The following ADAM10 variants were observed in gnomAD, a reference collection of about 807,000 sequenced individuals.
The protein encoded by ADAM10 is ADAM metallopeptidase domain 10, also known as disintegrin and metalloproteinase domain-containing protein 10.
A neutral mutation model predicts 90.1 loss-of-function variants in ADAM10; 17 were observed. The ratio of observed to expected loss-of-function variants is 0.19; its 90% CI spans 0.13 to 0.28. The LOEUF (loss-of-function observed/expected upper bound fraction) is 0.28, where lower values mean the gene tolerates loss of function less well. ADAM10 is among the 10% of genes least tolerant of loss of function. The pLI is 1.00. For missense variants in ADAM10, 610 were observed against 914.3 expected, an observed-to-expected ratio of 0.67 and a Z score of 4.29; for synonymous variants, 310 against 298.6, an observed-to-expected ratio of 1.04 and a Z score of -0.40.
At chr15:58,698,203 A>T (rs1376783411) in intron 2 of ADAM10, 1 of 375,646 alleles carries the variant, frequency 2.7e-6, no homozygotes, top group Non-Finnish European at 5.2e-6. Flanking sequence ...AATAATATTT[A>T]AAAAGCTAAG....
intron 1 of ADAM10, among the ~76,000 whole-genome samples, chr15:58,742,580 C>T (rs1390397790): frequency 6.6e-6 from 1 of 152,228 alleles, no homozygotes; most frequent in Non-Finnish European, 1.5e-5. Flanking sequence ...CTATTTCCTG[C>T]AAACTAGCTG....
At chr15:58,625,866 C>T (rs967317581) in intron 10 of ADAM10, among the ~76,000 whole-genome samples, 4 of 152,106 alleles carry the variant, frequency 2.6e-5, no homozygotes, top group South Asian at 2.1e-4. Flanking sequence ...TTAGATGAAT[C>T]CCCAGGGAAT....
Position 58,717,715 on chromosome 15 carries a change from T to C in ADAM10, c.68A>G (p.Asn23Ser). 1.2e-6 allele frequency: 2 copies of C among 1,612,518 alleles called. No homozygotes were observed. The highest frequency in any genetic ancestry group is 1.7e-6 in the Non-Finnish European group (2 of 1,179,492). Residue 23 changes from asparagine (N) to serine (S), a missense_variant, in exon 2 of 16, where the codon AAT becomes AGT. Asn to Ser is a conservative substitution (Grantham distance 46). Coordinates refer to ENST00000260408, the MANE Select transcript of ADAM10 (RefSeq NM_001110.4). ...ATGTCTGATATATTTATTTAAAGGA[T>C]TCCCATACTGACCTATAAAAAAAAA... is the stretch of plus-strand genomic sequence containing the variant. ...WAAGMGGQYG[N>S]PLNKYIRHYE...
chr15:58,650,413 G>A (rs558115536), intron 5 of ADAM10, among the ~76,000 whole-genome samples: 1 of 152,180 alleles, frequency 6.6e-6, no homozygotes, highest in Non-Finnish European at 1.5e-5. Context: ...GAGATGTGGT[G>A]TGAAACTTTA....
intron 2 of ADAM10, among the ~76,000 whole-genome samples, chr15:58,689,432 G>C (rs1897712491): frequency 6.6e-6 from 1 of 152,162 alleles, no homozygotes; most frequent in South Asian, 2.1e-4. Flanking sequence ...GTTGCAGTGA[G>C]CTGAGATCAT....
rs1156367777 is a variant in ADAM10, at chr15:58,593,878, G to T, written c.*3669C>A. 2 of 152,156 alleles carry T rather than the reference G, an allele frequency of 1.3e-5. No individual in the cohort carries two copies. The highest frequency in any genetic ancestry group is 2.9e-5 in the Non-Finnish European group (2 of 68,024). The allele number at this position is 152,156 out of a possible 1,614,324, so 9.4% of individuals were successfully genotyped here. A position where few individuals can be genotyped will look rare whatever the true frequency, so the allele number is the denominator to read the frequency against. On this transcript the variant is annotated 3_prime_UTR_variant, in exon 16 of 16. Coordinates refer to ENST00000260408, the MANE Select transcript of ADAM10 (RefSeq NM_001110.4). Reference sequence around the variant, plus strand: ...ACAAACAATATAGTAATATAAAACAGAAGGGCTAAATTTCTATCCTAATCA... The same window carrying T: ...ACAAACAATATAGTAATATAAAACATAAGGGCTAAATTTCTATCCTAATCA...
At position 58,593,755 on chromosome 15, in the gene ADAM10, G is replaced by C. The variant is rs1179464227; in HGVS notation, c.*3792C>G. ...AATGCTCCGTTTTACCTAGCATCCT[G>C]TTGCTTTTTATAGAAGAGATGCTCT... is the stretch of plus-strand genomic sequence containing the variant. On this transcript the variant is annotated 3_prime_UTR_variant, in exon 16 of 16. Transcript: ENST00000260408. 1 of 152,134 alleles carries C rather than the reference G, an allele frequency of 6.6e-6. No homozygotes were observed. Among genetic ancestry groups the C allele is most frequent in the Non-Finnish European group, 1.5e-5 (1 of 68,030 alleles). The allele number at this position is 152,134 out of a possible 1,614,324, so 9.4% of individuals were successfully genotyped here.
intron 2 of ADAM10, chr15:58,686,539 C>G: frequency 7.1e-7 from 1 of 1,417,932 alleles, no homozygotes; most frequent in Non-Finnish European, 9.9e-7. Context: ...TGCAGAATGC[C>G]TGCAAGGATG....
At chr15:58,736,249 C>A (rs770380071) in intron 1 of ADAM10, among the ~76,000 whole-genome samples, 2 of 152,192 alleles carry the variant, frequency 1.3e-5, no homozygotes, top group African/African-American at 4.8e-5. Flanking sequence ...AGTTACTCTG[C>A]AAAGTCAACG....
rs530827484 is a variant in ADAM10 at position 58,727,010 on chromosome 15, G to A, written c.56-9283C>T. ...ATTAAAAGGCAAAAGCTGTCATTTCGCTTTTTGATTTTTAAGAGACAGGGT... is the reference window on the plus strand; with the variant it reads ...ATTAAAAGGCAAAAGCTGTCATTTCACTTTTTGATTTTTAAGAGACAGGGT... On this transcript the variant is annotated intron_variant, in intron 1 of 15. Transcript: ENST00000260408. 3.3e-5 allele frequency among the ~76,000 whole-genome samples: 5 copies of A among 151,548 alleles called. No individual in the cohort carries two copies. The East Asian group carries it at 7.8e-4, about 24-fold the overall frequency.
chr15:58,661,298 T>C lies in ADAM10; in HGVS notation c.585+3799A>G, dbSNP rs970590657. On this transcript the variant is annotated intron_variant, in intron 5 of 15. Transcript: ENST00000260408. ...TCCGAGTTTCCATCTGGTATCTTTTTCTGCCTGAAGAACTTCCTTTAATGT... is the reference window on the plus strand; with the variant it reads ...TCCGAGTTTCCATCTGGTATCTTTTCCTGCCTGAAGAACTTCCTTTAATGT... Among the ~76,000 whole-genome samples, 5 of 152,362 alleles carry C rather than the reference T, an allele frequency of 3.3e-5. No homozygotes were observed. The East Asian group carries it at 7.7e-4, about 23-fold the overall frequency.
chr15:58,726,022 G>T, intron 1 of ADAM10, among the ~76,000 whole-genome samples: 1 of 151,880 alleles, frequency 6.6e-6, no homozygotes, highest in East Asian at 1.9e-4. Context: ...AAAATAAAAA[G>T]GATTTATTTT....
intron 5 of ADAM10, among the ~76,000 whole-genome samples, chr15:58,661,573 T>C (rs1473078052): frequency 6.6e-6 from 1 of 152,100 alleles, no homozygotes; most frequent in Non-Finnish European, 1.5e-5. Context: ...GCTTTTATGG[T>C]TTTTTATGAT....
chr15:58,749,206 T>C (rs1167033440), intron 1 of ADAM10, among the ~76,000 whole-genome samples: 1 of 151,970 alleles, frequency 6.6e-6, no homozygotes, highest in African/African-American at 2.4e-5. Context: ...TTCGCTTCTC[T>C]GGGAGGCGAC....
chr15:58,737,667 C>T (rs79298553), intron 1 of ADAM10, among the ~76,000 whole-genome samples: 2 of 152,178 alleles, frequency 1.3e-5, no homozygotes, highest in African/African-American at 4.8e-5. Context: ...AGTACCCCAA[C>T]AAATGCCAGC....
At chr15:58,734,815 G>A (rs1022873105) in intron 1 of ADAM10, among the ~76,000 whole-genome samples, 2 of 151,870 alleles carry the variant, frequency 1.3e-5, no homozygotes, top group Non-Finnish European at 2.9e-5. Flanking sequence ...AACAAGCAAT[G>A]CAATACTAAA....
At chr15:58,703,267 C>A (rs1595636183) in intron 2 of ADAM10, among the ~76,000 whole-genome samples, 2 of 132,058 alleles carry the variant, frequency 1.5e-5, no homozygotes, top group East Asian at 4.5e-4. Context: ...CACTGTATTC[C>A]AGGAAAACAA....
chr15:58,662,606 A>C (rs1446435210), intron 5 of ADAM10, among the ~76,000 whole-genome samples: 1 of 152,154 alleles, frequency 6.6e-6, no homozygotes, highest in Non-Finnish European at 1.5e-5. Context: ...TCAGCCTTCT[A>C]AAGTGCTGGG....
chr15:58,621,642 A>G, intron 10 of ADAM10, 21 bp from the exon 11 acceptor site: 1 of 1,613,306 alleles, frequency 6.2e-7, no homozygotes, highest in Admixed American at 1.7e-5. Flanking sequence ...TAAACAAGAC[A>G]AAGTAAGCAT....
Sources: gnomAD v4.1 joint callset for allele counts (sites outside exome capture counted in the v4.1 genomes callset) on GRCh38, gnomAD v4.1.1 for gene constraint, MANE v1.5 for transcripts, NCBI Gene and HGNC (gene_info 2026-07-23, HGNC 2026-07-21) for gene names.